The following DNAAF4 variants were observed in gnomAD, a reference collection of about 807,000 sequenced individuals.
DNAAF4 encodes dynein axonemal assembly factor 4.
DNAAF4 carries 43 observed loss-of-function variants against 51.8 expected under a neutral mutation model. The ratio of observed to expected loss-of-function variants is 0.83; its 90% CI spans 0.65 to 1.07. The LOEUF (loss-of-function observed/expected upper bound fraction) is 1.07. DNAAF4 is among the 50% of genes least tolerant of loss of function. The pLI, the probability that DNAAF4 is intolerant of heterozygous loss-of-function variation, is 0.00. For synonymous variants in DNAAF4, 194 were observed against 165.6 expected (o/e 1.17, Z -1.32); for missense variants, 581 against 493.0 (o/e 1.18, Z -1.69).
At chr15:55,421,787 T>C (rs1044317422) in intron 7 of DNAAF4, among the ~76,000 whole-genome samples, 1 of 150,476 alleles carries the variant, frequency 6.6e-6, no homozygotes, top group Non-Finnish European at 1.5e-5. Flanking sequence ...TACTTGGGAG[T>C]CTGAGGCAGA....
At chr15:55,433,846 T>C (rs371702768) in intron 8 of DNAAF4, among the ~76,000 whole-genome samples, 1 of 61,042 alleles carries the variant, frequency 1.6e-5, no homozygotes, top group Non-Finnish European at 3.2e-5. Flanking sequence ...TATTATATAT[T>C]ATATATATTA....
intron 4 of DNAAF4, among the ~76,000 whole-genome samples, chr15:55,467,544 T>TACACAC (rs59329424): frequency 0.04 from 6,004 of 150,258 alleles, 125 homozygotes; most frequent in South Asian, 0.071. Flanking sequence ...TCTCAAAATC[T>TACACAC]ACACACACAC....
At chr15:55,424,688 G>C (rs2057415182) in intron 7 of DNAAF4, among the ~76,000 whole-genome samples, 1 of 152,086 alleles carries the variant, frequency 6.6e-6, no homozygotes, top group South Asian at 2.1e-4. Context: ...TCAGCTTCCT[G>C]AGTACCTGGG....
chr15:55,446,804 G>A (rs536574862), intron 6 of DNAAF4, among the ~76,000 whole-genome samples: 435 of 143,438 alleles, frequency 3.0e-3, no homozygotes, highest in Non-Finnish European at 4.8e-3. Context: ...CAGATGGGGC[G>A]GCCGGGCAGA....
At chr15:55,482,224 C>T (rs1385122355) in intron 4 of DNAAF4, among the ~76,000 whole-genome samples, 1 of 145,454 alleles carries the variant, frequency 6.9e-6, no homozygotes, top group Admixed American at 7.5e-5. Flanking sequence ...GAAGTGTTGG[C>T]AAAGATGTAA....
chr15:55,433,893 T>A (rs2057547830), intron 8 of DNAAF4, among the ~76,000 whole-genome samples: 1 of 37,526 alleles, frequency 2.7e-5, no homozygotes, highest in African/African-American at 1.4e-4. Flanking sequence ...ATTATATATA[T>A]ATTATATATA....
At chr15:55,449,598 A>C (rs1468979753) in intron 6 of DNAAF4, among the ~76,000 whole-genome samples, 1 of 147,672 alleles carries the variant, frequency 6.8e-6, no homozygotes, top group African/African-American at 2.5e-5. Context: ...TGGGAGGAGG[A>C]GGTTGCAGTG....
chr15:55,464,581 T>A (rs2058141161), intron 5 of DNAAF4, among the ~76,000 whole-genome samples: 1 of 152,160 alleles, frequency 6.6e-6, no homozygotes, highest in Non-Finnish European at 1.5e-5. Flanking sequence ...ATCCACAATG[T>A]ACAGGGAACT....
intron 4 of DNAAF4, among the ~76,000 whole-genome samples, chr15:55,488,780 T>TTC (rs894324417): frequency 2.6e-5 from 4 of 152,108 alleles, no homozygotes; most frequent in Non-Finnish European, 5.9e-5. Flanking sequence ...AAGTCAAGCT[T>TTC]TCATACATTA....
chr15:55,494,453 G>A lies in DNAAF4; in HGVS notation c.272-3197C>T, dbSNP rs141916135. Among the ~76,000 whole-genome samples the A allele has an allele frequency of 8.7e-4, 132 of 151,484 alleles. 2 individuals carry two copies. In the East Asian group the frequency reaches 0.013, roughly 15 times the overall value. On this transcript the variant is annotated intron_variant, in intron 3 of 9. Transcript: ENST00000321149. ...TTGAGATGGAGTCTCGCTCTGTTGC[G>A]CAGGCTGGAGTGCAGTGGTGAGATC...
At chr15:55,442,949 A>C (rs2057737579) in intron 6 of DNAAF4, 2 of 1,611,588 alleles carry the variant, frequency 1.2e-6, no homozygotes, top group Non-Finnish European at 1.7e-6. Flanking sequence ...TGAAATAAGC[A>C]AACCATCCTT....
intron 4 of DNAAF4, among the ~76,000 whole-genome samples, chr15:55,469,027 A>T (rs368474813): frequency 2.0e-5 from 3 of 152,150 alleles, no homozygotes; most frequent in African/African-American, 4.8e-5. Context: ...TACATGTACC[A>T]AAGAAAAACA....
intron 4 of DNAAF4, among the ~76,000 whole-genome samples, chr15:55,489,364 C>T (rs895344466): frequency 3.0e-4 from 45 of 152,030 alleles, no homozygotes; most frequent in African/African-American, 1.1e-3. Context: ...CTGACCAGTT[C>T]AATTATTAAG....
chr15:55,419,003 G>A (rs12900382), intron 7 of DNAAF4, among the ~76,000 whole-genome samples: 56,572 of 146,870 alleles, frequency 0.39, 11,871 homozygotes, highest in East Asian at 0.74. Context: ...TGCGACCTCC[G>A]CCTCCCAGGT....
intron 3 of DNAAF4, among the ~76,000 whole-genome samples, chr15:55,496,357 T>C (rs1263705419): frequency 6.6e-6 from 1 of 152,218 alleles, no homozygotes; most frequent in African/African-American, 2.4e-5. Flanking sequence ...ATTAGAGTAT[T>C]ATTTTAAAAT....
chr15:55,451,977 C>T (rs993083749), intron 5 of DNAAF4, among the ~76,000 whole-genome samples: 1 of 151,746 alleles, frequency 6.6e-6, no homozygotes, highest in Non-Finnish European at 1.5e-5. Context: ...CTGGGCGCAG[C>T]GGCTCACACC....
chr15:55,472,628 T>C lies in DNAAF4; in HGVS notation c.406-5467A>G, dbSNP rs796344055. On this transcript the variant is annotated intron_variant, in intron 4 of 9. Transcript: ENST00000321149. ...GTGAGACTTCTCAAAAAAAATAAAA[T>C]AAACAAATTGGGTTTTAGGTGTTTG... 1.1e-4 allele frequency among the ~76,000 whole-genome samples: 17 copies of C among 151,736 alleles called. 1 individual carries two copies. The highest frequency in any genetic ancestry group is 4.1e-4 in the African/African-American group (17 of 41,420).
intron 7 of DNAAF4, among the ~76,000 whole-genome samples, chr15:55,422,814 T>G (rs2057399352): frequency 6.6e-6 from 1 of 152,014 alleles, no homozygotes. Flanking sequence ...CTGGCCAACA[T>G]GGTGAAACTC....
chr15:55,438,794 A>T (rs1328155776), intron 7 of DNAAF4, among the ~76,000 whole-genome samples: 1 of 152,072 alleles, frequency 6.6e-6, no homozygotes, highest in Admixed American at 6.6e-5. Context: ...CACAAAAAAA[A>T]AAAAGAAAAA....
Sources: gnomAD v4.1 joint callset for allele counts (sites outside exome capture counted in the v4.1 genomes callset) on GRCh38, gnomAD v4.1.1 for gene constraint, MANE v1.5 for transcripts, NCBI Gene and HGNC (gene_info 2026-07-23, HGNC 2026-07-21) for gene names.